Variants in PHF6 observed in about 807,000 individuals in gnomAD.
The protein encoded by PHF6 is PHD-like zinc finger protein.
Under a neutral mutation model 34.0 loss-of-function variants are expected in PHF6, and 7 were observed. The ratio of observed to expected loss-of-function variants is 0.21; its 90% confidence interval spans 0.12 to 0.39. The LOEUF is 0.39. Among genes scored for constraint, PHF6 ranks in the 10% least tolerant of loss-of-function variants. The probability of loss-of-function intolerance (pLI) is 1.00; values close to 1 mark genes in which losing one functional copy is unlikely to be tolerated. For missense variants in PHF6, 128 were observed against 262.8 expected (o/e 0.49, Z 3.55); for synonymous variants, 89 against 88.4 (o/e 1.01, Z -0.04).
chrX:134,378,273 T>C (rs1235521452), intron 3 of PHF6, among the ~76,000 whole-genome samples, 167 bp downstream of exon 3: 1 of 111,482 alleles, frequency 9.0e-6, no homozygotes, highest in Non-Finnish European at 1.9e-5. Context: ...GGGTTTATCT[T>C]ATTTACCACT....
intron 9 of PHF6, among the ~76,000 whole-genome samples, chrX:134,421,198 G>A (rs1280036587): frequency 9.0e-6 from 1 of 111,529 alleles, no homozygotes; most frequent in East Asian, 2.8e-4. Context: ...CAATTTTTCA[G>A]TGTCATCAAA....
At chrX:134,401,978 G>T (rs201862698) in intron 5 of PHF6, among the ~76,000 whole-genome samples, 3 of 60,707 alleles carry the variant, frequency 4.9e-5, no homozygotes, top group Admixed American at 2.4e-4. Flanking sequence ...GTTGTTTTTT[G>T]TTTGTTTGTT....
At chrX:134,419,002 C>G (rs1394738094) in intron 9 of PHF6, 1 of 110,182 alleles carries the variant, frequency 9.1e-6, no homozygotes, top group Non-Finnish European at 1.9e-5. Flanking sequence ...GCCATCATGC[C>G]CAGCTAATTT....
In PHF6 at chrX:134,394,140, T is replaced by C. The variant is rs191980895; in HGVS notation, c.418+188T>C. 2.7e-5 allele frequency among the ~76,000 whole-genome samples: 3 copies of C among 111,186 alleles called. No homozygotes were observed. In the East Asian group the frequency reaches 8.4e-4, roughly 31 times the overall value. The stretch of plus-strand genomic sequence containing the variant: ...TGAAAAAGATCTGAACTTCTTTTTT[T>C]TTTTTTTTCCTGAAACGAAGTCTTG... On this transcript the variant is annotated intron_variant, in intron 5 of 10. Transcript: ENST00000370803.
At chrX:134,410,915 C>A (rs375005575) in intron 5 of PHF6, among the ~76,000 whole-genome samples, 1 of 106,539 alleles carries the variant, frequency 9.4e-6, no homozygotes. Context: ...CCACTGCGCC[C>A]GGCCTTTTTC....
chrX:134,385,875 A>G (rs2077329318), intron 3 of PHF6, among the ~76,000 whole-genome samples: 1 of 111,678 alleles, frequency 9.0e-6, no homozygotes, highest in Non-Finnish European at 1.9e-5. Context: ...CCCATATAGT[A>G]TAGAGTTTAG....
rs189540652 is a variant in PHF6, at chrX:134,426,117, A to G, written c.*457A>G. ...TTTTTTTTTCATACTCAAGTAATGG[A>G]GGCTAGAAATGAAGAGAACCTTCTT... On this transcript the variant is annotated 3_prime_UTR_variant, in exon 11 of 11. Coordinates refer to ENST00000370803, the MANE Select transcript of PHF6 (RefSeq NM_001015877.2). The G allele has an allele frequency of 2.5e-4, 39 of 158,634 alleles. No individual in the cohort carries two copies. Among genetic ancestry groups the G allele is most frequent in the Non-Finnish European group, 3.7e-4 (30 of 81,491 alleles). 13.1% of individuals were successfully genotyped at this position (158,634 alleles called of 1,213,427 possible). A position where few individuals can be genotyped will look rare whatever the true frequency, so the allele number is the denominator to read the frequency against.
intron 9 of PHF6, among the ~76,000 whole-genome samples, chrX:134,424,636 G>T (rs954844984): frequency 1.8e-5 from 2 of 111,748 alleles, no homozygotes; most frequent in Non-Finnish European, 3.8e-5. Flanking sequence ...ACAAGAAGTT[G>T]GAAGGACCAG....
At chrX:134,403,404 A>T (rs149838385) in intron 5 of PHF6, among the ~76,000 whole-genome samples, 1 of 112,096 alleles carries the variant, frequency 8.9e-6, no homozygotes, top group East Asian at 2.8e-4. Flanking sequence ...CTTCAATTCT[A>T]TGAAGGCTGA....
chrX:134,397,517 C>T (rs995372308), intron 5 of PHF6, among the ~76,000 whole-genome samples: 9 of 111,440 alleles, frequency 8.1e-5, no homozygotes, highest in African/African-American at 2.9e-4. Context: ...GGTATGGTGG[C>T]ACACATCTGT....
chrX:134,384,345 CAGAT>C (rs753883132), intron 3 of PHF6, among the ~76,000 whole-genome samples: 11 of 111,643 alleles, frequency 9.9e-5, no homozygotes, highest in Non-Finnish European at 5.6e-5. Context: ...AATTTCAACT[CAGAT>C]AGGAAGGGAT....
intron 3 of PHF6, among the ~76,000 whole-genome samples, chrX:134,390,815 A>G (rs921436401): frequency 9.9e-5 from 11 of 111,068 alleles, no homozygotes; most frequent in Non-Finnish European, 1.7e-4. Flanking sequence ...CATAATTCAC[A>G]TAGTTTTGTA....
intron 5 of PHF6, among the ~76,000 whole-genome samples, chrX:134,400,019 G>T (rs776967509): frequency 9.0e-6 from 1 of 111,541 alleles, no homozygotes; most frequent in African/African-American, 3.3e-5. Flanking sequence ...GAATGTCGTA[G>T]TTGGAATCAT....
chrX:134,409,451 G>A (rs1443345928), intron 5 of PHF6, among the ~76,000 whole-genome samples: 1 of 111,058 alleles, frequency 9.0e-6, no homozygotes, highest in Non-Finnish European at 1.9e-5. Flanking sequence ...ATACTCTTGT[G>A]TATTCTTTTT....
intron 3 of PHF6, among the ~76,000 whole-genome samples, chrX:134,379,467 A>C (rs1224260758): frequency 1.5e-5 from 1 of 65,984 alleles, no homozygotes; most frequent in Non-Finnish European, 2.6e-5. Flanking sequence ...TTTGAGACAG[A>C]GTTTCACTCT....
intron 5 of PHF6, among the ~76,000 whole-genome samples, chrX:134,407,464 C>T (rs1257782749): frequency 5.4e-5 from 6 of 112,079 alleles, no homozygotes; most frequent in East Asian, 2.8e-4. Context: ...TGGTTAAATA[C>T]GATGGATTAC....
chrX:134,418,534 T>C (rs2077480057), intron 9 of PHF6: 1 of 111,418 alleles, frequency 9.0e-6, no homozygotes, highest in Non-Finnish European at 1.9e-5. Context: ...GACTTCCGGG[T>C]CTAGTATTCT....
chrX:134,393,105 G>A (rs1327917555), intron 3 of PHF6, among the ~76,000 whole-genome samples: 1 of 111,827 alleles, frequency 8.9e-6, no homozygotes, highest in African/African-American at 3.3e-5. Context: ...GCAATTAAGT[G>A]GAAATTTTAA....
At chrX:134,425,025 G>T (rs1212603096) in intron 9 of PHF6, among the ~76,000 whole-genome samples, 176 bp from the exon 10 acceptor site, 1 of 111,588 alleles carries the variant, frequency 9.0e-6, no homozygotes, top group Non-Finnish European at 1.9e-5. Context: ...CAATAATAGT[G>T]TGTTTTCCTA....
Sources: allele counts gnomAD v4.1 joint callset (sites outside exome capture counted in the v4.1 genomes callset), GRCh38; gene constraint gnomAD v4.1.1; transcripts MANE v1.5; gene names NCBI Gene and HGNC (gene_info 2026-07-23, HGNC 2026-07-21).